The following TRRAP variants were observed in gnomAD, a reference collection of about 807,000 sequenced individuals.
The protein encoded by TRRAP is transformation/transcription domain associated protein.
In TRRAP, 41 loss-of-function variants were observed where a neutral mutation model predicts 438.8. The ratio of observed to expected loss-of-function variants is 0.09; its 90% CI spans 0.07 to 0.12. The LOEUF is 0.12. TRRAP is among the 10% of genes least tolerant of loss of function. The pLI is 1.00. For synonymous variants in TRRAP, 1,994 were observed against 1,962.9 expected (o/e 1.02, Z -0.42); for missense variants, 3,122 against 5,055.1 (o/e 0.62, Z 11.60).
intron 49 of TRRAP, 152 bp downstream of exon 49, chr7:98,966,047 CTG>C (rs1792137286): frequency 1.0e-6 from 1 of 970,758 alleles, no homozygotes; most frequent in Non-Finnish European, 1.5e-6. Flanking sequence ...GGATTTTTGT[CTG>C]TAATCTCAGC....
At position 98,903,453 on chromosome 7, in the gene TRRAP, T is replaced by C. The variant is rs781823150; in HGVS notation, c.972T>C (p.Thr324=). The C allele has an allele frequency of 2.5e-6, 4 of 1,614,126 alleles. No homozygotes were observed. Among genetic ancestry groups the C allele is most frequent in the Non-Finnish European group, 3.4e-6 (4 of 1,180,054 alleles). The change falls in exon 12 of 73, where the codon ACT becomes ACC. Residue 324 remains threonine, a synonymous_variant. Coordinates refer to ENST00000456197, the MANE Select transcript of TRRAP (RefSeq NM_001375524.1). ...TACTTTCAAATTGTCCAGCAGAGAC[T>C]GCACACCTCAGAAAGGAGCTTCTGA... is the stretch of plus-strand genomic sequence containing the variant. ...LQLLSNCPAE[T]AHLRKELLIA...
At chr7:98,960,732 C>T (rs1791850349) in intron 45 of TRRAP, among the ~76,000 whole-genome samples, 1 of 151,668 alleles carries the variant, frequency 6.6e-6, no homozygotes, top group African/African-American at 2.4e-5. Context: ...GCTGAGACTA[C>T]AGGCGTATGC....
At position 98,958,137 on chromosome 7, in the gene TRRAP, G is replaced by A. The variant is rs1554420303; in HGVS notation, c.6342+46G>A. The A allele has an allele frequency of 2.0e-6, 3 of 1,536,462 alleles. No homozygotes were observed. The Admixed American group carries it at 5.3e-5, about 27-fold the overall frequency. On this transcript the variant is annotated intron_variant, in intron 44 of 72. Coordinates refer to ENST00000456197, the MANE Select transcript of TRRAP (RefSeq NM_001375524.1). ...GCGTTAGGGCTTCTGCAGACCAGAGGCTACTGACTAACACCCCAGGAGGTT... is the reference window on the plus strand; with the variant it reads ...GCGTTAGGGCTTCTGCAGACCAGAGACTACTGACTAACACCCCAGGAGGTT...
chr7:98,994,392 C>T lies in TRRAP; in HGVS notation c.10048-195C>T, dbSNP rs1252243967. Among the ~76,000 whole-genome samples, 1 of 152,198 alleles carries T rather than the reference C, an allele frequency of 6.6e-6. No individual in the cohort carries two copies. On this transcript the variant is annotated intron_variant, in intron 66 of 72. Transcript: ENST00000456197. This position sits in a 1 kb window ranked among gnomAD's most constrained non-coding sequence, Gnocchi z 4.8. ...GTCCCTTACTCCCCAAGGTCAAAAG[C>T]GCCTGCTCCCATGTGGCATGCACAG... is the stretch of plus-strand genomic sequence containing the variant.
At chr7:98,921,616 T>C in intron 20 of TRRAP, 137 bp from the exon 21 acceptor site, 1 of 1,106,438 alleles carries the variant, frequency 9.0e-7, no homozygotes, top group Non-Finnish European at 1.3e-6. Context: ...CGTCAGGTGA[T>C]CTACCCGCCT....
chr7:98,954,821 A>G (rs1265464485), intron 40 of TRRAP, among the ~76,000 whole-genome samples: 2 of 152,148 alleles, frequency 1.3e-5, no homozygotes, highest in Non-Finnish European at 2.9e-5. Context: ...GTTAGGCGGG[A>G]CATGGGATCC....
intron 16 of TRRAP, 129 bp downstream of exon 16, chr7:98,910,736 G>A: frequency 9.0e-6 from 7 of 782,044 alleles, no homozygotes; most frequent in South Asian, 1.9e-5. Context: ...ATACCCAGAT[G>A]TGTTTTGTTC....
At chr7:98,883,869 T>C (rs1326864134) in intron 3 of TRRAP, among the ~76,000 whole-genome samples, 1 of 152,220 alleles carries the variant, frequency 6.6e-6, no homozygotes, top group Non-Finnish European at 1.5e-5. Context: ...TCATAGGGAC[T>C]CTAGATCCTA....
rs764900628 is a variant in TRRAP, at chr7:98,982,003, C to T, written c.8826+43C>T. 2.3e-5 allele frequency: 34 copies of T among 1,463,756 alleles called. No homozygotes were observed. The African/African-American group carries it at 2.9e-4, about 12-fold the overall frequency. 90.7% of individuals were successfully genotyped at this position (1,463,756 alleles called of 1,614,324 possible). ...ATGCGAGCACAGGCCTGTGGCCTGTCGCAGCCAAGCGCCGGTGTCCAGGCT... is the reference window on the plus strand; with the variant it reads ...ATGCGAGCACAGGCCTGTGGCCTGTTGCAGCCAAGCGCCGGTGTCCAGGCT... On this transcript the variant is annotated intron_variant, in intron 59 of 72. Coordinates refer to ENST00000456197, the MANE Select transcript of TRRAP (RefSeq NM_001375524.1).
At chr7:98,968,603 T>C (rs1445304959) in intron 51 of TRRAP, among the ~76,000 whole-genome samples, 3 of 152,170 alleles carry the variant, frequency 2.0e-5, no homozygotes, top group Admixed American at 6.5e-5. Flanking sequence ...AGGTTACCAG[T>C]GCTGTGCAGG....
intron 11 of TRRAP, 51 bp downstream of exon 11, chr7:98,900,771 TAAA>T (rs1554406543): frequency 6.6e-7 from 1 of 1,506,394 alleles, no homozygotes; most frequent in East Asian, 2.3e-5. Flanking sequence ...TTACATACAA[TAAA>T]ATTCACCTTT....
At chr7:98,934,595 G>A (rs979278444) in intron 27 of TRRAP, among the ~76,000 whole-genome samples, 1 of 152,196 alleles carries the variant, frequency 6.6e-6, no homozygotes, top group African/African-American at 2.4e-5. Flanking sequence ...GGCTGCATCA[G>A]AACACGTGCG....
chr7:98,880,075 T>G (rs1554402782), intron 1 of TRRAP, among the ~76,000 whole-genome samples: 1 of 152,176 alleles, frequency 6.6e-6, no homozygotes, highest in Non-Finnish European at 1.5e-5. Flanking sequence ...GCCTGCTGCC[T>G]GGCAGCTACA....
In TRRAP at chr7:98,956,133, C is replaced by T. The variant is rs1222521449; in HGVS notation, c.5938-13C>T. Reference sequence around the variant, plus strand: ...TCCCATGTTCCGGCGTGATGCTGGCCCTGCGTCCGCAGGTGTACTACCCGG... The same window carrying T: ...TCCCATGTTCCGGCGTGATGCTGGCTCTGCGTCCGCAGGTGTACTACCCGG... On this transcript the variant is annotated splice_polypyrimidine_tract_variant and intron_variant, in intron 41 of 72. Coordinates refer to ENST00000456197, the MANE Select transcript of TRRAP (RefSeq NM_001375524.1). The surrounding 1 kb of genome is among the most constrained non-coding windows in gnomAD (Gnocchi z 4.5). 3 of 1,606,152 alleles carry T rather than the reference C, an allele frequency of 1.9e-6. No homozygotes were observed. The highest frequency in any genetic ancestry group is 1.7e-6 in the Non-Finnish European group (2 of 1,176,384).
In TRRAP at chr7:98,967,042, C is replaced by T. The variant is rs1323164091; in HGVS notation, c.7178C>T (p.Thr2393Ile). The T allele has an allele frequency of 1.9e-6, 3 of 1,611,668 alleles. No homozygotes were observed. The highest frequency in any genetic ancestry group is 1.7e-6 in the Non-Finnish European group (2 of 1,179,040). The change falls in exon 50 of 73, where the codon ACA becomes ATA. Residue 2393 changes from threonine (T) to isoleucine (I), a missense_variant and splice_region_variant. Physicochemically the swap from Thr to Ile is moderately conservative, Grantham distance 89. Around this residue, in one of 24 missense-constraint regions of TRRAP, gnomAD observed 992 missense variants for 1,281.2 expected, o/e 0.77. Coordinates refer to ENST00000456197, the MANE Select transcript of TRRAP (RefSeq NM_001375524.1). ...CGTCTTTTCTCAAATTTCATACAGA[C>T]ACCTACACTCCGGGAGAAGTCCATT... ...KNNSPMAANQ[T>I]PTLREKSILL...
chr7:99,002,667 C>T (rs1160213637), intron 67 of TRRAP, among the ~76,000 whole-genome samples: 1 of 151,824 alleles, frequency 6.6e-6, no homozygotes, highest in Non-Finnish European at 1.5e-5. Context: ...GTGAGGAATG[C>T]AGAGGAGGGA....
intron 27 of TRRAP, among the ~76,000 whole-genome samples, chr7:98,934,903 C>T (rs1432656767): frequency 3.9e-5 from 6 of 152,070 alleles, no homozygotes; most frequent in African/African-American, 1.4e-4. Context: ...GTATCCTTTT[C>T]TGCTGTTTTA....
chr7:98,890,769 T>C (rs1054406292), intron 4 of TRRAP, among the ~76,000 whole-genome samples: 18 of 149,588 alleles, frequency 1.2e-4, no homozygotes, highest in Non-Finnish European at 1.8e-4. Flanking sequence ...TACTGTCTTA[T>C]TAATGTCAGT....
In TRRAP at chr7:98,967,611, T is replaced by C. The variant is rs559530606; in HGVS notation, c.7425T>C (p.Arg2475=). Residue 2475 remains arginine, a synonymous_variant, in exon 51 of 73, where the codon CGT becomes CGC. Coordinates refer to ENST00000456197, the MANE Select transcript of TRRAP (RefSeq NM_001375524.1). The part of the protein sequence containing the change: ...FFEVFDNSMK[R]RVYERLLYVT... ...AGGTTTTTGACAACTCCATGAAACG[T>C]CGTGTCTACGAGCGCTTGCTCTATG... 13 of 1,614,096 alleles carry C rather than the reference T, an allele frequency of 8.1e-6. No individual in the cohort carries two copies. The highest frequency in any genetic ancestry group is 7.7e-5 in the South Asian group (7 of 91,080).
Sources: gnomAD v4.1 joint callset for allele counts (sites outside exome capture counted in the v4.1 genomes callset) on GRCh38, gnomAD v4.1.1 for gene constraint, gnomAD v4.1.1 regional missense constraint, Gnocchi (gnomAD v3.1) non-coding constraint, MANE v1.5 for transcripts, NCBI Gene and HGNC (gene_info 2026-07-23, HGNC 2026-07-21) for gene names.